Variants in SV2B observed in about 807,000 individuals in gnomAD.
SV2B encodes the protein synaptic vesicle glycoprotein 2B.
In SV2B, 41 loss-of-function variants were observed where a neutral mutation model predicts 73.9. That is an observed-to-expected ratio of 0.56 (90% CI 0.43 to 0.72). The LOEUF (loss-of-function observed/expected upper bound fraction) is 0.72. Ranked by LOEUF, SV2B falls within the 30% of genes least tolerant of loss-of-function variation. The pLI is 0.00. For synonymous variants in SV2B, 314 were observed against 314.2 expected, an observed-to-expected ratio of 1.00 and a Z score of 0.01; for missense variants, 764 against 857.8, an observed-to-expected ratio of 0.89 and a Z score of 1.37.
chr15:91,260,714 G>A (rs905174930), intron 6 of SV2B, among the ~76,000 whole-genome samples: 1 of 152,112 alleles, frequency 6.6e-6, no homozygotes, highest in Non-Finnish European at 1.5e-5. Context: ...CCGAGACTGG[G>A]AAGAAAAAGA....
chr15:91,142,182 C>A (rs886557710), intron 1 of SV2B, among the ~76,000 whole-genome samples: 2 of 152,170 alleles, frequency 1.3e-5, no homozygotes, highest in African/African-American at 2.4e-5. Context: ...GTTCCTGTTG[C>A]GTGCCCACAG....
At chr15:91,287,260 G>A (rs2048890874) in intron 11 of SV2B, among the ~76,000 whole-genome samples, 1 of 152,044 alleles carries the variant, frequency 6.6e-6, no homozygotes, top group Non-Finnish European at 1.5e-5. Flanking sequence ...CCGGGCTGAG[G>A]ACCGTCCCTG....
At chr15:91,134,003 C>CTTTTTTTTTTTTTTTTTTTTTTT (rs1567278795) in intron 1 of SV2B, among the ~76,000 whole-genome samples, 1 of 49,318 alleles carries the variant, frequency 2.0e-5, no homozygotes, top group Non-Finnish European at 4.0e-5. Flanking sequence ...TTTCTTTCTT[C>CTTTTTTTTTTTTTTTTTTTTTTT]CTTTTTTTTT....
rs1177659507 is a variant in SV2B at position 91,252,444 on chromosome 15, C to T, written c.708C>T (p.Leu236=). The T allele has an allele frequency of 6.2e-7, 1 of 1,613,774 alleles. No homozygotes were observed. The highest frequency in any genetic ancestry group is 8.5e-7 in the Non-Finnish European group (1 of 1,179,852). Residue 236 remains leucine, a synonymous_variant, in exon 4 of 13, where the codon CTC becomes CTT. Transcript: ENST00000394232. This position sits in a 1 kb window ranked among gnomAD's most constrained non-coding sequence, Gnocchi z 4.6. ...FLSREKRGEH[L]SWLGIFWMTG... Reference sequence around the variant, plus strand: ...CTCGGGAGAAGCGAGGAGAACACCTCAGTTGGCTGGGCATCTTCTGGATGA... The same window carrying T: ...CTCGGGAGAAGCGAGGAGAACACCTTAGTTGGCTGGGCATCTTCTGGATGA...
At chr15:91,172,344 T>G (rs909509371) in intron 1 of SV2B, among the ~76,000 whole-genome samples, 5 of 152,200 alleles carry the variant, frequency 3.3e-5, no homozygotes, top group African/African-American at 1.2e-4. Flanking sequence ...CACTTCCCTC[T>G]CTCTTCCCTT....
At chr15:91,169,668 A>G (rs899327430) in intron 1 of SV2B, among the ~76,000 whole-genome samples, 1 of 152,194 alleles carries the variant, frequency 6.6e-6, no homozygotes, top group Admixed American at 6.5e-5. Context: ...TGAGTCAGAC[A>G]AGAAACAAGT....
chr15:91,273,055 A>T (rs565591132), intron 9 of SV2B, among the ~76,000 whole-genome samples: 5 of 151,496 alleles, frequency 3.3e-5, no homozygotes, highest in African/African-American at 1.2e-4. Flanking sequence ...CTGGTCTCGA[A>T]CTCCTGACCT....
rs990209528 is a variant in SV2B at position 91,258,682 on chromosome 15, G to A, written c.918+128G>A. 5 of 1,356,218 alleles carry A rather than the reference G, an allele frequency of 3.7e-6. No homozygotes were observed. Among genetic ancestry groups the A allele is most frequent in the Admixed American group, 2.4e-5 (1 of 40,964 alleles). The allele number at this position is 1,356,218 out of a possible 1,614,324, so 84.0% of individuals were successfully genotyped here. Reference sequence around the variant, plus strand: ...ATGTGTTGCAAACTCTCCCCTGGTCGGCTGACCTCACTCATCATTGAATCT... The same window carrying A: ...ATGTGTTGCAAACTCTCCCCTGGTCAGCTGACCTCACTCATCATTGAATCT... On this transcript the variant is annotated intron_variant, in intron 5 of 12. Coordinates refer to ENST00000394232, the MANE Select transcript of SV2B (RefSeq NM_001323032.3). This position sits in a 1 kb window ranked among gnomAD's most constrained non-coding sequence, Gnocchi z 4.7.
rs201744672 is a variant in SV2B at position 91,248,964 on chromosome 15, CTT to C, written c.452-2852_452-2851del. On this transcript the variant is annotated intron_variant, in intron 2 of 12. Coordinates refer to ENST00000394232, the MANE Select transcript of SV2B (RefSeq NM_001323032.3). ...ATCTCTGGAGCACTCCTCTAAGTCT[CTT>C]TTCCCTCTCCCTGCTTTCAGTTTAT... Among the ~76,000 whole-genome samples the C allele has an allele frequency of 2.8e-3, 428 of 152,040 alleles. 7 individuals carry two copies. The highest frequency in any genetic ancestry group is 7.7e-3 in the Admixed American group (118 of 15,268).
rs2046987158 is a variant in SV2B, at chr15:91,240,946, A to G, written c.452-10873A>G. 6.6e-6 allele frequency among the ~76,000 whole-genome samples: 1 copy of G among 151,864 alleles called. No individual in the cohort carries two copies. ...TCCAGGCCATTCTCCCTCTCTCCTCACTAAAAGATCTCATATTCGAATCTC... is the reference window on the plus strand; with the variant it reads ...TCCAGGCCATTCTCCCTCTCTCCTCGCTAAAAGATCTCATATTCGAATCTC... On this transcript the variant is annotated intron_variant, in intron 2 of 12. Transcript: ENST00000394232. The surrounding 1 kb of genome is among the most constrained non-coding windows in gnomAD (Gnocchi z 4.6).
intron 1 of SV2B, among the ~76,000 whole-genome samples, chr15:91,160,641 C>T (rs541119283): frequency 8.6e-5 from 13 of 151,938 alleles, no homozygotes; most frequent in Non-Finnish European, 1.3e-4. Context: ...AAAAATAAAA[C>T]GTAGCATAAA....
At position 91,293,189 on chromosome 15, in the gene SV2B, G is replaced by C. The variant is rs182332388; in HGVS notation, c.*637G>C. The C allele has an allele frequency of 4.4e-4, 67 of 152,260 alleles. No homozygotes were observed. The highest frequency in any genetic ancestry group is 1.4e-3 in the African/African-American group (58 of 41,536). 9.4% of individuals were successfully genotyped at this position (152,260 alleles called of 1,614,324 possible). A position where few individuals can be genotyped will look rare whatever the true frequency, so the allele number is the denominator to read the frequency against. ...ATAATTAGGTAATACATTTAAGAAG[G>C]ATATTTATTTCTGTTTTGCTCTATT... On this transcript the variant is annotated 3_prime_UTR_variant, in exon 13 of 13. Transcript: ENST00000394232.
Position 91,288,793 on chromosome 15 carries a change from T to C in SV2B, c.1709-728T>C, listed in dbSNP as rs536007752. Among the ~76,000 whole-genome samples the C allele has an allele frequency of 3.3e-5, 5 of 152,240 alleles. No individual in the cohort carries two copies. The East Asian group carries it at 9.7e-4, about 29-fold the overall frequency. On this transcript the variant is annotated intron_variant, in intron 11 of 12. Coordinates refer to ENST00000394232, the MANE Select transcript of SV2B (RefSeq NM_001323032.3). The surrounding 1 kb of genome is among the most constrained non-coding windows in gnomAD (Gnocchi z 5.8). The stretch of plus-strand genomic sequence containing the variant: ...CCCAGCTTCAAATAATTCTCGTGCC[T>C]CAGCCTCCCAAGTAGCTGGGATTAC...
chr15:91,150,079 C>T (rs1596479783), intron 1 of SV2B, among the ~76,000 whole-genome samples: 1 of 152,184 alleles, frequency 6.6e-6, no homozygotes, highest in Non-Finnish European at 1.5e-5. Context: ...ATCTTGGCTA[C>T]TGCAACCTCC....
At chr15:91,200,846 G>C (rs2045432982) in intron 1 of SV2B, among the ~76,000 whole-genome samples, 1 of 152,168 alleles carries the variant, frequency 6.6e-6, no homozygotes, top group Non-Finnish European at 1.5e-5. Context: ...AAGAGTTCAA[G>C]ACTGCAGTGA....
intron 1 of SV2B, among the ~76,000 whole-genome samples, chr15:91,191,070 T>TTTTTTTTTTTTTTTTTTTTTTTTC (rs1358888300): frequency 1.6e-5 from 2 of 125,608 alleles, no homozygotes; most frequent in African/African-American, 3.1e-5. Context: ...TTTCTTTTTT[T>TTTTTTTTTTTTTTTTTTTTTTTTC]TTTTTTTTTT....
chr15:91,133,526 C>T (rs575573342), intron 1 of SV2B, among the ~76,000 whole-genome samples: 5 of 152,114 alleles, frequency 3.3e-5, no homozygotes, highest in South Asian at 4.1e-4. Context: ...TCTCTAGCTT[C>T]GACTTCGGCT....
chr15:91,247,583 G>C (rs372134114), intron 2 of SV2B, among the ~76,000 whole-genome samples: 7 of 152,184 alleles, frequency 4.6e-5, no homozygotes, highest in Non-Finnish European at 1.0e-4. Flanking sequence ...CTGCAACTCA[G>C]CTCTCTTAAG....
intron 1 of SV2B, among the ~76,000 whole-genome samples, chr15:91,133,225 G>A (rs1003057168): frequency 2.6e-5 from 4 of 152,116 alleles, no homozygotes; most frequent in African/African-American, 4.8e-5. Flanking sequence ...ACTGGGTCTC[G>A]GGGCTAATTA....
Sources: gnomAD v4.1 joint callset for allele counts (sites outside exome capture counted in the v4.1 genomes callset) on GRCh38, gnomAD v4.1.1 for gene constraint, Gnocchi (gnomAD v3.1) non-coding constraint, MANE v1.5 for transcripts, NCBI Gene and HGNC (gene_info 2026-07-23, HGNC 2026-07-21) for gene names.